Variants in GPHN observed in about 807,000 individuals in gnomAD.
GPHN encodes gephyrin.
GPHN carries 17 observed loss-of-function variants against 95.5 expected under a neutral mutation model. That is an observed-to-expected ratio of 0.18 (90% CI 0.12 to 0.27). The LOEUF is 0.27. Ranked by LOEUF, GPHN falls within the 10% of genes least tolerant of loss-of-function variation. GPHN has a pLI of 1.00. For synonymous variants in GPHN, 320 were observed against 322.5 expected (o/e 0.99, Z 0.08); for missense variants, 660 against 978.1 (o/e 0.67, Z 4.34).
intron 12 of GPHN, among the ~76,000 whole-genome samples, chr14:67,090,007 A>G (rs72715355): frequency 0.027 from 4,148 of 152,242 alleles, 76 homozygotes; most frequent in Non-Finnish European, 0.036. Flanking sequence ...TAATTAACAC[A>G]TGCATTACCT....
intron 4 of GPHN, among the ~76,000 whole-genome samples, chr14:66,849,993 A>G (rs2062510422): frequency 6.6e-6 from 1 of 152,156 alleles, no homozygotes; most frequent in Admixed American, 6.6e-5. Context: ...AATAAAATAC[A>G]AACACATTTC....
chr14:67,091,308 GT>G (rs2077138376), intron 12 of GPHN, among the ~76,000 whole-genome samples: 1 of 151,576 alleles, frequency 6.6e-6, no homozygotes, highest in Non-Finnish European at 1.5e-5. Context: ...TCCTTCTACA[GT>G]GTTGATTAGA....
the GPHN span, among the ~76,000 whole-genome samples, chr14:67,457,517 A>C: frequency 6.6e-6 from 1 of 152,178 alleles, no homozygotes; most frequent in South Asian, 2.1e-4. Context: ...AGGCAGAAGG[A>C]TCATTTGAGC....
chr14:67,319,759 C>T, the GPHN span, among the ~76,000 whole-genome samples: 1 of 152,160 alleles, frequency 6.6e-6, no homozygotes, highest in African/African-American at 2.4e-5. Flanking sequence ...GAAAGTATTC[C>T]AGCTTTCTCT....
At chr14:67,362,106 C>CT in the GPHN span, among the ~76,000 whole-genome samples, 918 of 150,354 alleles carry the variant, frequency 6.1e-3, 2 homozygotes, top group Admixed American at 0.01. Flanking sequence ...ACTGTAGCCT[C>CT]TGCCCCTGGG....
intron 21 of GPHN, 142 bp from the exon 22 acceptor site, chr14:67,179,436 A>G: frequency 1.5e-6 from 1 of 661,028 alleles, no homozygotes; most frequent in South Asian, 1.7e-5. Flanking sequence ...GAAAAAGAAC[A>G]TAAGGTGGTA....
At chr14:66,624,021 A>G (rs1323556002) in intron 1 of GPHN, among the ~76,000 whole-genome samples, 1 of 152,152 alleles carries the variant, frequency 6.6e-6, no homozygotes, top group Admixed American at 6.5e-5. Flanking sequence ...GAAAAAGTCT[A>G]CACAGTGCTC....
At chr14:67,412,760 T>G in the GPHN span, among the ~76,000 whole-genome samples, 1 of 152,072 alleles carries the variant, frequency 6.6e-6, no homozygotes, top group East Asian at 1.9e-4. Flanking sequence ...GATTGGTTTT[T>G]TGGGGTTTTT....
At chr14:67,171,559 A>G (rs778976543) in intron 21 of GPHN, among the ~76,000 whole-genome samples, 78 of 152,122 alleles carry the variant, frequency 5.1e-4, no homozygotes, top group Non-Finnish European at 8.7e-4. Flanking sequence ...AACTCCCATT[A>G]GTATTAACAA....
At chr14:67,359,545 A>T in the GPHN span, 1 of 1,220,812 alleles carries the variant, frequency 8.2e-7, no homozygotes, top group Non-Finnish European at 1.2e-6. Context: ...AACCTGGGAA[A>T]AGCTCAGGAT....
chr14:67,345,680 C>A, the GPHN span: 1 of 799,614 alleles, frequency 1.3e-6, no homozygotes. Context: ...GTACAAAGCA[C>A]AGTATATGCT....
chr14:66,547,751 A>G (rs997736072), intron 1 of GPHN, among the ~76,000 whole-genome samples: 1 of 152,224 alleles, frequency 6.6e-6, no homozygotes, highest in Non-Finnish European at 1.5e-5. Flanking sequence ...AACAATAACG[A>G]AACAATGTTC....
the GPHN span, among the ~76,000 whole-genome samples, chr14:67,618,378 A>G: frequency 3.3e-5 from 5 of 151,770 alleles, no homozygotes; most frequent in Non-Finnish European, 5.9e-5. Flanking sequence ...GCTGCTTTTT[A>G]TTTTTATTTT....
chr14:66,914,361 A>G (rs1322033428), intron 5 of GPHN, among the ~76,000 whole-genome samples: 1 of 152,164 alleles, frequency 6.6e-6, no homozygotes, highest in South Asian at 2.1e-4. Flanking sequence ...ACATTTCATA[A>G]CGTGATAAAA....
intron 9 of GPHN, among the ~76,000 whole-genome samples, chr14:66,991,870 TAA>T (rs1555458890): frequency 1.1e-4 from 12 of 111,126 alleles, no homozygotes; most frequent in Admixed American, 2.7e-4. Flanking sequence ...AGACCCTGTC[TAA>T]AAAAAAAAAA....
the GPHN span, among the ~76,000 whole-genome samples, chr14:67,516,973 A>G: frequency 6.6e-6 from 1 of 152,240 alleles, no homozygotes; most frequent in South Asian, 2.1e-4. Context: ...TAGTATAATG[A>G]CCCAAGGACA....
At chr14:66,961,148 T>A (rs904259600) in intron 8 of GPHN, among the ~76,000 whole-genome samples, 1 of 152,076 alleles carries the variant, frequency 6.6e-6, no homozygotes, top group South Asian at 2.1e-4. Flanking sequence ...ACTACAGACC[T>A]GTATTGGAAA....
the GPHN span, among the ~76,000 whole-genome samples, chr14:67,669,271 T>A: frequency 1.4e-5 from 1 of 73,720 alleles, no homozygotes; most frequent in Non-Finnish European, 2.3e-5. Flanking sequence ...TTCTTCATAA[T>A]TTTTTTTTTT....
At chr14:67,585,482 T>C in the GPHN span, 2 of 864,136 alleles carry the variant, frequency 2.3e-6, no homozygotes, top group African/African-American at 1.7e-5. Flanking sequence ...AGCAGATCCC[T>C]GGATGTGCCT....
Sources: allele counts gnomAD v4.1 joint callset (sites outside exome capture counted in the v4.1 genomes callset), GRCh38; gene constraint gnomAD v4.1.1; transcripts MANE v1.5; gene names NCBI Gene and HGNC (gene_info 2026-07-23, HGNC 2026-07-21).